MAGI3: variants seen among roughly 807,000 people sequenced by gnomAD.
MAGI3 encodes the protein membrane associated guanylate kinase, WW and PDZ domain containing 3.
A neutral mutation model predicts 121.8 loss-of-function variants in MAGI3; 43 were observed. The observed-to-expected ratio is 0.35, with a 90% CI of 0.28 to 0.46. The LOEUF (loss-of-function observed/expected upper bound fraction) is 0.46. MAGI3 is among the 20% of genes least tolerant of loss of function. The pLI, the probability that MAGI3 is intolerant of heterozygous loss-of-function variation, is 1.00. For missense variants in MAGI3, 1,547 were observed against 1,797.3 expected (o/e 0.86, Z 2.52); for synonymous variants, 553 against 639.3 (o/e 0.86, Z 2.04).
intron 9 of MAGI3, among the ~76,000 whole-genome samples, chr1:113,631,797 A>G (rs1651651183): frequency 1.3e-5 from 2 of 152,176 alleles, no homozygotes; most frequent in Non-Finnish European, 2.9e-5. Context: ...TAACATTACC[A>G]TTTTTACAAA....
At chr1:113,653,452 A>T (rs1240139045) in intron 14 of MAGI3, among the ~76,000 whole-genome samples, 1 of 152,148 alleles carries the variant, frequency 6.6e-6, no homozygotes, top group Middle Eastern at 3.4e-3. Flanking sequence ...GGCACCTGTA[A>T]TCCCAGCTAC....
chr1:113,443,073 G>A (rs1477130445), intron 1 of MAGI3, among the ~76,000 whole-genome samples: 3 of 152,058 alleles, frequency 2.0e-5, no homozygotes, highest in Admixed American at 6.6e-5. Flanking sequence ...ATAGACCTAG[G>A]CAGATTCTTG....
intron 1 of MAGI3, among the ~76,000 whole-genome samples, chr1:113,464,088 T>C (rs1253568928): frequency 6.6e-6 from 1 of 151,942 alleles, no homozygotes; most frequent in Non-Finnish European, 1.5e-5. Context: ...TATCAAAGAG[T>C]AGGTCTTATT....
chr1:113,675,339 A>G (rs1273581880), intron 19 of MAGI3, among the ~76,000 whole-genome samples: 1 of 152,248 alleles, frequency 6.6e-6, no homozygotes, highest in Admixed American at 6.5e-5. Context: ...AACAACAAGT[A>G]TCCTTTAAAT....
chr1:113,563,670 C>G (rs1660328288), intron 2 of MAGI3, among the ~76,000 whole-genome samples: 1 of 152,168 alleles, frequency 6.6e-6, no homozygotes, highest in African/African-American at 2.4e-5. Flanking sequence ...TTTGGTCCCC[C>G]AGTTTTCAGC....
chr1:113,496,942 T>A (rs532489319), intron 1 of MAGI3, among the ~76,000 whole-genome samples: 1 of 152,298 alleles, frequency 6.6e-6, no homozygotes, highest in African/African-American at 2.4e-5. Flanking sequence ...TATTATATTA[T>A]CTAGGTAAAG....
intron 19 of MAGI3, among the ~76,000 whole-genome samples, chr1:113,676,589 A>G (rs903248019): frequency 6.6e-6 from 1 of 152,170 alleles, no homozygotes; most frequent in Non-Finnish European, 1.5e-5. Flanking sequence ...TGGGCTATTA[A>G]ATTATCAAAA....
chr1:113,607,681 GC>G (rs1436548449), intron 6 of MAGI3, among the ~76,000 whole-genome samples: 1 of 151,994 alleles, frequency 6.6e-6, no homozygotes, highest in Admixed American at 6.6e-5. Context: ...TAGAAGAGGG[GC>G]AGATGTCAGA....
At chr1:113,441,329 T>A (rs1441821688) in intron 1 of MAGI3, among the ~76,000 whole-genome samples, 1 of 152,168 alleles carries the variant, frequency 6.6e-6, no homozygotes, top group Non-Finnish European at 1.5e-5. Context: ...CTCACCCTGT[T>A]GATTTTGGGC....
intron 1 of MAGI3, among the ~76,000 whole-genome samples, chr1:113,420,598 G>A (rs1428550463): frequency 1.3e-5 from 2 of 152,134 alleles, no homozygotes; most frequent in Non-Finnish European, 2.9e-5. Flanking sequence ...AAAGTTATGT[G>A]GAAAGGAGTT....
rs870337 is a variant in MAGI3, at chr1:113,398,927, A to T, written c.316+7578A>T. On this transcript the variant is annotated intron_variant, in intron 1 of 20. Transcript: ENST00000307546. The stretch of plus-strand genomic sequence containing the variant: ...GAAAGAAAAAAATCTTAATTTACAT[A>T]TCAGTTTCTGTATTTGTAAGAATTC... Among the ~76,000 whole-genome samples, 1,351 of 152,228 alleles carry T rather than the reference A, an allele frequency of 8.9e-3. 14 individuals are homozygous for T. Among genetic ancestry groups the T allele is most frequent in the African/African-American group, 0.031 (1,283 of 41,540 alleles).
At chr1:113,627,431 A>G (rs187830893) in intron 9 of MAGI3, among the ~76,000 whole-genome samples, 2 of 151,854 alleles carry the variant, frequency 1.3e-5, no homozygotes, top group East Asian at 3.9e-4. Context: ...GTAAATATCT[A>G]TTAGGTCCAT....
intron 1 of MAGI3, among the ~76,000 whole-genome samples, chr1:113,439,469 G>A (rs993184411): frequency 6.6e-6 from 1 of 152,102 alleles, no homozygotes; most frequent in African/African-American, 2.4e-5. Context: ...CTGCTCAGAG[G>A]TTATTTCCTG....
intron 2 of MAGI3, among the ~76,000 whole-genome samples, chr1:113,572,755 T>G (rs1006144249): frequency 2.0e-5 from 3 of 152,184 alleles, no homozygotes; most frequent in African/African-American, 4.8e-5. Flanking sequence ...TTTATCATTT[T>G]TTATTGCATT....
chr1:113,521,494 C>T (rs1658196787), intron 1 of MAGI3, among the ~76,000 whole-genome samples: 2 of 151,710 alleles, frequency 1.3e-5, no homozygotes, highest in African/African-American at 4.8e-5. Flanking sequence ...TCAGCTCTGC[C>T]TTCCGGGTTC....
At chr1:113,643,828 A>C in intron 11 of MAGI3, 54 bp downstream of exon 11, 2 of 1,527,294 alleles carry the variant, frequency 1.3e-6, no homozygotes, top group East Asian at 2.3e-5. Flanking sequence ...GAGAGATGCC[A>C]CATTCCCCTC....
intron 1 of MAGI3, among the ~76,000 whole-genome samples, chr1:113,493,150 G>A (rs533223510): frequency 2.6e-5 from 4 of 152,102 alleles, no homozygotes; most frequent in Admixed American, 6.6e-5. Flanking sequence ...GTACTACAGG[G>A]CTACAGTAAC....
Position 113,457,907 on chromosome 1 carries a change from C to T in MAGI3, c.316+66558C>T, listed in dbSNP as rs1557767755. 2.6e-5 allele frequency among the ~76,000 whole-genome samples: 4 copies of T among 152,028 alleles called. No homozygotes were observed. The South Asian group carries it at 8.3e-4, about 32-fold the overall frequency. ...GGGCACCTGTTCTAAGAGCATTTCC[C>T]AGCATAAAGAACTATGTGGTGACAA... On this transcript the variant is annotated intron_variant, in intron 1 of 20. Transcript: ENST00000307546.
At chr1:113,489,227 C>CCAAT (rs1656558519) in intron 1 of MAGI3, among the ~76,000 whole-genome samples, 1 of 147,416 alleles carries the variant, frequency 6.8e-6, no homozygotes, top group Admixed American at 7.1e-5. Flanking sequence ...GAACAAAGAG[C>CCAAT]CAATGCAAGT....
Sources: gnomAD v4.1 joint callset for allele counts (sites outside exome capture counted in the v4.1 genomes callset) on GRCh38, gnomAD v4.1.1 for gene constraint, MANE v1.5 for transcripts, NCBI Gene and HGNC (gene_info 2026-07-23, HGNC 2026-07-21) for gene names.